The following DIP2B variants were observed in gnomAD, a reference collection of about 807,000 sequenced individuals.
The protein encoded by DIP2B is DIP2 acetate--CoA ligase B (putative).
Under a neutral mutation model 198.0 loss-of-function variants are expected in DIP2B, and 76 were observed. That is an observed-to-expected ratio of 0.38 (90% CI 0.32 to 0.46). The LOEUF (loss-of-function observed/expected upper bound fraction) is 0.46. Ranked by LOEUF, DIP2B falls within the 20% of genes least tolerant of loss-of-function variation. The pLI, the probability that DIP2B is intolerant of heterozygous loss-of-function variation, is 0.99. For missense variants in DIP2B, 1,559 were observed against 1,978.4 expected, an observed-to-expected ratio of 0.79 and a Z score of 4.02; for synonymous variants, 701 against 739.1, an observed-to-expected ratio of 0.95 and a Z score of 0.84.
chr12:50,651,122 T>G (rs1938444783), intron 3 of DIP2B, among the ~76,000 whole-genome samples: 1 of 152,212 alleles, frequency 6.6e-6, no homozygotes, highest in Admixed American at 6.5e-5. Context: ...GATTGTTGGT[T>G]GTTTATCTTC....
chr12:50,537,391 T>C (rs886381981), intron 1 of DIP2B, among the ~76,000 whole-genome samples: 2 of 152,028 alleles, frequency 1.3e-5, no homozygotes, highest in East Asian at 3.8e-4. Flanking sequence ...AGGGAATAGG[T>C]AGGGATTGAG....
At chr12:50,670,112 A>G (rs1938824455) in intron 4 of DIP2B, among the ~76,000 whole-genome samples, 1 of 150,890 alleles carries the variant, frequency 6.6e-6, no homozygotes, top group Non-Finnish European at 1.5e-5. Context: ...TTGCTTCCCT[A>G]TATTTGGTTG....
At chr12:50,710,998 A>C (rs776875978) in intron 22 of DIP2B, among the ~76,000 whole-genome samples, 6 of 152,200 alleles carry the variant, frequency 3.9e-5, no homozygotes, top group Non-Finnish European at 7.3e-5. Context: ...GTAATGGTAG[A>C]AGCTTTGGTG....
At chr12:50,729,500 T>G (rs187292927) in intron 30 of DIP2B, among the ~76,000 whole-genome samples, 38 of 152,282 alleles carry the variant, frequency 2.5e-4, no homozygotes, top group African/African-American at 8.7e-4. Context: ...TTCCTGAGCT[T>G]CTAGTGACTC....
intron 1 of DIP2B, among the ~76,000 whole-genome samples, chr12:50,609,680 TGA>T (rs888989306): frequency 1.3e-5 from 2 of 152,240 alleles, no homozygotes; most frequent in Non-Finnish European, 2.9e-5. Context: ...TACCTACCTA[TGA>T]GGGGACTGGG....
At chr12:50,706,774 T>C in intron 21 of DIP2B, 109 bp downstream of exon 21, 1 of 1,353,558 alleles carries the variant, frequency 7.4e-7, no homozygotes, top group Non-Finnish European at 1.0e-6. Context: ...GTGATCAGAT[T>C]GTTTTTGTTA....
At chr12:50,697,683 C>CCACG in intron 17 of DIP2B, among the ~76,000 whole-genome samples, 1 of 151,508 alleles carries the variant, frequency 6.6e-6, no homozygotes, top group South Asian at 2.1e-4. Flanking sequence ...GCATGTACCA[C>CCACG]CACGCCTGGC....
chr12:50,514,117 G>C (rs1210569809), intron 1 of DIP2B, among the ~76,000 whole-genome samples: 1 of 144,128 alleles, frequency 6.9e-6, no homozygotes, highest in East Asian at 2.1e-4. Flanking sequence ...TCAGGCTGGA[G>C]TGCAATGGCA....
chr12:50,655,960 G>T (rs1263895208), intron 3 of DIP2B, among the ~76,000 whole-genome samples: 1 of 152,194 alleles, frequency 6.6e-6, no homozygotes, highest in Non-Finnish European at 1.5e-5. Context: ...GGGTGACAGA[G>T]TGAGACCCTG....
At chr12:50,554,733 T>A (rs1418820436) in intron 1 of DIP2B, among the ~76,000 whole-genome samples, 2 of 152,070 alleles carry the variant, frequency 1.3e-5, no homozygotes, top group African/African-American at 4.8e-5. Context: ...TTTGGTTGAG[T>A]GCATCTCTGA....
In DIP2B at chr12:50,718,867, A is replaced by C. The variant is rs138498496; in HGVS notation, c.2961+49A>C. On this transcript the variant is annotated intron_variant, in intron 24 of 37. Transcript: ENST00000301180. ...TTCTTACAGTCAAGTCAAGGACAGA[A>C]CTTACTGCAGGTAGCAGCTGGGGGA... The C allele has an allele frequency of 5.8e-4, 931 of 1,611,790 alleles. 4 individuals are homozygous for C. In the African/African-American group the frequency reaches 0.011, roughly 19 times the overall value.
intron 22 of DIP2B, among the ~76,000 whole-genome samples, chr12:50,714,067 C>A (rs1939667698): frequency 6.6e-6 from 1 of 152,210 alleles, no homozygotes; most frequent in African/African-American, 2.4e-5. Context: ...TTGCATTCCA[C>A]CCCAGCTGAC....
chr12:50,692,269 AGAAT>A (rs1939235143), intron 13 of DIP2B, among the ~76,000 whole-genome samples: 1 of 152,084 alleles, frequency 6.6e-6, no homozygotes, highest in Non-Finnish European at 1.5e-5. Context: ...GTGTATAGAT[AGAAT>A]GTTTAGAGAT....
intron 3 of DIP2B, among the ~76,000 whole-genome samples, chr12:50,649,907 C>A (rs1470555101): frequency 6.6e-6 from 1 of 151,722 alleles, no homozygotes; most frequent in Non-Finnish European, 1.5e-5. Flanking sequence ...AAAAGAGAAA[C>A]CATATTAAGT....
At chr12:50,659,327 C>G (rs1938605979) in intron 3 of DIP2B, among the ~76,000 whole-genome samples, 1 of 152,050 alleles carries the variant, frequency 6.6e-6, no homozygotes, top group Non-Finnish European at 1.5e-5. Context: ...TGGTCTAGCT[C>G]TTATAAGGGG....
chr12:50,723,194 T>G lies in DIP2B; in HGVS notation c.3167-8T>G, dbSNP rs749167094. On this transcript the variant is annotated splice_polypyrimidine_tract_variant and splice_region_variant and intron_variant, in intron 26 of 37. Transcript: ENST00000301180. ...GTGACTCTCCTGACAGGGTCCTTTG[T>G]CTTGCAGGCATTGAGTTAATCGCCG... 10 of 1,613,966 alleles carry G rather than the reference T, an allele frequency of 6.2e-6. No homozygotes were observed. Among genetic ancestry groups the G allele is most frequent in the South Asian group, 1.1e-5 (1 of 91,080 alleles).
intron 22 of DIP2B, among the ~76,000 whole-genome samples, chr12:50,711,482 C>G (rs1939613563): frequency 6.6e-6 from 1 of 152,160 alleles, no homozygotes; most frequent in Admixed American, 6.5e-5. Flanking sequence ...TCCCAGTCAT[C>G]TGTATTGGTT....
At chr12:50,674,064 A>C (rs1938901725) in intron 5 of DIP2B, among the ~76,000 whole-genome samples, 1 of 152,228 alleles carries the variant, frequency 6.6e-6, no homozygotes, top group Admixed American at 6.5e-5. Flanking sequence ...AAACTATAAC[A>C]ATCAAGAAAT....
chr12:50,589,224 ATTTG>A (rs940361689), intron 1 of DIP2B, among the ~76,000 whole-genome samples: 6 of 149,800 alleles, frequency 4.0e-5, no homozygotes, highest in Non-Finnish European at 8.9e-5. Flanking sequence ...AATAAATAAA[ATTTG>A]TTTGTCTTTG....
Sources: gnomAD v4.1 joint callset for allele counts (sites outside exome capture counted in the v4.1 genomes callset) on GRCh38, gnomAD v4.1.1 for gene constraint, MANE v1.5 for transcripts, NCBI Gene and HGNC (gene_info 2026-07-23, HGNC 2026-07-21) for gene names.